DCTN5: variants seen among roughly 807,000 people sequenced by gnomAD.
DCTN5 encodes the protein dynactin subunit 5, also known as dynactin 4.
Under a neutral mutation model 23.5 loss-of-function variants are expected in DCTN5, and 14 were observed. The ratio of observed to expected loss-of-function variants is 0.60; its 90% CI spans 0.39 to 0.93. The LOEUF is 0.93. Ranked by LOEUF, DCTN5 falls within the 40% of genes least tolerant of loss-of-function variation. The pLI, the probability that DCTN5 is intolerant of heterozygous loss-of-function variation, is 0.00. For synonymous variants in DCTN5, 67 were observed against 79.6 expected (o/e 0.84, Z 0.84); for missense variants, 156 against 225.9 (o/e 0.69, Z 1.98).
chr16:23,643,001 A>G lies in DCTN5; in HGVS notation c.95A>G (p.Gln32Arg). ...VSRQSVLCGS[Q>R]NIVLNGKTIV... ...CGCCAGTCAGTGTTGTGTGGAAGCC[A>G]GAACATCGTTCTCAATGGCAAGGTA... is the stretch of plus-strand genomic sequence containing the variant. The change falls in exon 2 of 6, where the codon CAG becomes CGG. Residue 32 changes from glutamine (Q) to arginine (R), a missense_variant. Physicochemically the swap from Gln to Arg is conservative, Grantham distance 43 (BLOSUM62 1). Around this residue, in one of 2 missense-constraint regions of DCTN5, gnomAD observed 153 missense variants for 206.8 expected, o/e 0.74. Transcript: ENST00000300087. 1 of 1,614,206 alleles carries G rather than the reference A, an allele frequency of 6.2e-7. No individual in the cohort carries two copies. The highest frequency in any genetic ancestry group is 8.5e-7 in the Non-Finnish European group (1 of 1,180,022).
chr16:23,655,355 C>T (rs530450290), intron 2 of DCTN5, among the ~76,000 whole-genome samples: 5 of 152,052 alleles, frequency 3.3e-5, no homozygotes, highest in East Asian at 1.9e-4. Flanking sequence ...GGGTAGGGAA[C>T]GCTAGAGTTT....
In DCTN5 at chr16:23,669,724, A is replaced by G. The variant is rs978785183; in HGVS notation, c.*2580A>G. 1 of 152,288 alleles carries G rather than the reference A, an allele frequency of 6.6e-6. No homozygotes were observed. Among genetic ancestry groups the G allele is most frequent in the Non-Finnish European group, 1.5e-5 (1 of 68,212 alleles). 9.4% of individuals were successfully genotyped at this position (152,288 alleles called of 1,614,324 possible). A position where few individuals can be genotyped will look rare whatever the true frequency, so the allele number is the denominator to read the frequency against. The stretch of plus-strand genomic sequence containing the variant: ...CCCTGCTGTCCCTTACCCTCTGCCC[A>G]ATCTCTCATTACTCCTGGTCTTGGG... On this transcript the variant is annotated 3_prime_UTR_variant, in exon 6 of 6. Transcript: ENST00000300087.
chr16:23,644,386 C>T (rs1201544934), intron 2 of DCTN5, among the ~76,000 whole-genome samples: 22 of 150,558 alleles, frequency 1.5e-4, no homozygotes, highest in Admixed American at 7.3e-4. Context: ...CTGTAAGCTC[C>T]GCCTCCCAGG....
At position 23,675,403 on chromosome 16, in the gene DCTN5, G is replaced by A. The variant is rs533119789; in HGVS notation, c.*8259G>A. 2.0e-5 allele frequency: 3 copies of A among 151,956 alleles called. No homozygotes were observed. In the East Asian group the frequency reaches 5.8e-4, roughly 29 times the overall value. 9.4% of individuals were successfully genotyped at this position (151,956 alleles called of 1,614,324 possible). On this transcript the variant is annotated 3_prime_UTR_variant, in exon 6 of 6. Transcript: ENST00000300087. Reference sequence around the variant, plus strand: ...TGGTTCCAGCTACTTAGGAGGCTGAGGTAGGAGGATGGCTTGAGCCCAGGA... The same window carrying A: ...TGGTTCCAGCTACTTAGGAGGCTGAAGTAGGAGGATGGCTTGAGCCCAGGA...
At position 23,642,914 on chromosome 16, in the gene DCTN5, A is replaced by G. The variant is rs768713201; in HGVS notation, c.49-41A>G. The G allele has an allele frequency of 3.8e-6, 6 of 1,577,670 alleles. No homozygotes were observed. In the African/African-American group the frequency reaches 6.7e-5, roughly 18 times the overall value. The stretch of plus-strand genomic sequence containing the variant: ...ATGGAAACCTGTAGTCCAGAAACCT[A>G]TTAAGTTTGCTTTCCCCGGTTTTCC... On this transcript the variant is annotated intron_variant, in intron 1 of 5. Coordinates refer to ENST00000300087, the MANE Select transcript of DCTN5 (RefSeq NM_032486.4).
chr16:23,649,600 C>T (rs953180226), intron 2 of DCTN5, among the ~76,000 whole-genome samples: 1 of 152,020 alleles, frequency 6.6e-6, no homozygotes, highest in Non-Finnish European at 1.5e-5. Context: ...CCCAGCTCTT[C>T]GAGAGGCCAA....
At chr16:23,647,281 C>T (rs1020072950) in intron 2 of DCTN5, among the ~76,000 whole-genome samples, 7 of 151,606 alleles carry the variant, frequency 4.6e-5, no homozygotes, top group Admixed American at 1.3e-4. Flanking sequence ...TACAGGCATG[C>T]GCCACCATGC....
rs746414090 is a variant in DCTN5 at position 23,665,643 on chromosome 16, G to A, written c.366G>A (p.Leu122=). 2 of 1,613,756 alleles carry A rather than the reference G, an allele frequency of 1.2e-6. No individual in the cohort carries two copies. The highest frequency in any genetic ancestry group is 2.2e-5 in the South Asian group (2 of 90,986). The change falls in exon 5 of 6, where the codon TTG becomes TTA. Residue 122 remains leucine, a synonymous_variant. Coordinates refer to ENST00000300087, the MANE Select transcript of DCTN5 (RefSeq NM_032486.4). ...AATTTCAGGGGCGCCGATGTGTGTT[G>A]AAAGACTGCTGCAAAATTCTTGACA... ...KNCVIGRRCV[L]KDCCKILDNT...
At chr16:23,648,381 G>T (rs1054893540) in intron 2 of DCTN5, among the ~76,000 whole-genome samples, 1 of 131,258 alleles carries the variant, frequency 7.6e-6, no homozygotes, top group East Asian at 2.1e-4. Flanking sequence ...ACACAGTCTC[G>T]CTGTGTCGCC....
chr16:23,641,652 G>A (rs1039158084), intron 1 of DCTN5, 62 bp downstream of exon 1: 2 of 1,590,228 alleles, frequency 1.3e-6, no homozygotes, highest in Admixed American at 1.7e-5. Flanking sequence ...AGGCCTGGTC[G>A]GCGTTCCCAA....
intron 1 of DCTN5, among the ~76,000 whole-genome samples, 174 bp downstream of exon 1, chr16:23,641,764 G>A (rs911874993): frequency 1.3e-5 from 2 of 152,180 alleles, no homozygotes; most frequent in Admixed American, 1.3e-4. Context: ...TCCGCGCTTG[G>A]CCAGTTGAGG....
In DCTN5 at chr16:23,673,673, A is replaced by G. The variant is rs1968048363; in HGVS notation, c.*6529A>G. The G allele has an allele frequency of 6.6e-6, 1 of 152,242 alleles. No individual in the cohort carries two copies. The allele number at this position is 152,242 out of a possible 1,614,324, so 9.4% of individuals were successfully genotyped here. On this transcript the variant is annotated 3_prime_UTR_variant, in exon 6 of 6. Coordinates refer to ENST00000300087, the MANE Select transcript of DCTN5 (RefSeq NM_032486.4). ...AAGCTACTCAAAAATAAAATATGAA[A>G]GGTGTTAGTGGGATACAGCTTTCTA...
chr16:23,665,747 T>C lies in DCTN5; in HGVS notation c.451+19T>C, dbSNP rs1967894648. ...TGCCCAGGTAACCTTGGCTGTTGATTAATTTTATTTTAACTTCCTAAAACT... is the reference window on the plus strand; with the variant it reads ...TGCCCAGGTAACCTTGGCTGTTGATCAATTTTATTTTAACTTCCTAAAACT... On this transcript the variant is annotated intron_variant, in intron 5 of 5. Coordinates refer to ENST00000300087, the MANE Select transcript of DCTN5 (RefSeq NM_032486.4). 1 of 1,591,758 alleles carries C rather than the reference T, an allele frequency of 6.3e-7. No homozygotes were observed. Among genetic ancestry groups the C allele is most frequent in the South Asian group, 1.1e-5 (1 of 88,806 alleles).
At position 23,667,411 on chromosome 16, in the gene DCTN5, C is replaced by T. The variant is rs1364527873; in HGVS notation, c.*267C>T. The T allele has an allele frequency of 2.0e-5, 9 of 457,584 alleles. No individual in the cohort carries two copies. Among genetic ancestry groups the T allele is most frequent in the Non-Finnish European group, 3.2e-5 (8 of 250,000 alleles). The allele number at this position is 457,584 out of a possible 1,614,324, so 28.3% of individuals were successfully genotyped here. Reference sequence around the variant, plus strand: ...ACTTTGTACCATTATCTGTGGAACACAGAATCATCTGTTCCCAACACTCCA... The same window carrying T: ...ACTTTGTACCATTATCTGTGGAACATAGAATCATCTGTTCCCAACACTCCA... On this transcript the variant is annotated 3_prime_UTR_variant, in exon 6 of 6. Transcript: ENST00000300087.
intron 3 of DCTN5, 113 bp from the exon 4 acceptor site, chr16:23,661,057 G>T: frequency 1.9e-6 from 1 of 539,952 alleles, no homozygotes; most frequent in Non-Finnish European, 3.1e-6. Context: ...TTCCTTGCTG[G>T]GAACAGTCTT....
chr16:23,642,233 G>A (rs1236008453), intron 1 of DCTN5, among the ~76,000 whole-genome samples: 1 of 152,040 alleles, frequency 6.6e-6, no homozygotes, highest in Non-Finnish European at 1.5e-5. Context: ...GCACCCTGCC[G>A]ATTTGGTTCT....
chr16:23,648,601 C>T (rs972040563), intron 2 of DCTN5, among the ~76,000 whole-genome samples: 1 of 151,746 alleles, frequency 6.6e-6, no homozygotes, highest in Non-Finnish European at 1.5e-5. Context: ...CCGCCTGCCT[C>T]GGCCTCCCAA....
In DCTN5 at chr16:23,641,595, G is replaced by A. The variant is rs1567226490; in HGVS notation, c.48+5G>A. 1.2e-6 allele frequency: 2 copies of A among 1,613,950 alleles called. No homozygotes were observed. The highest frequency in any genetic ancestry group is 1.7e-6 in the Non-Finnish European group (2 of 1,179,896). On this transcript the variant is annotated splice_donor_5th_base_variant and intron_variant, in intron 1 of 5. Transcript: ENST00000300087. ...AAGTCTGAGTACATCGAGACGGTGC[G>A]CGGGTCCAGATATGTATCCTCCTCT...
At chr16:23,665,391 T>G (rs1223480837) in intron 4 of DCTN5, among the ~76,000 whole-genome samples, 1 of 152,220 alleles carries the variant, frequency 6.6e-6, no homozygotes, top group Non-Finnish European at 1.5e-5. Flanking sequence ...CTGTAATGTC[T>G]GAGACAGTTT....
Sources: gnomAD v4.1 joint callset for allele counts (sites outside exome capture counted in the v4.1 genomes callset) on GRCh38, gnomAD v4.1.1 for gene constraint, gnomAD v4.1.1 regional missense constraint, MANE v1.5 for transcripts, NCBI Gene and HGNC (gene_info 2026-07-23, HGNC 2026-07-21) for gene names.